The following VWC2 variants were observed in gnomAD, a reference collection of about 807,000 sequenced individuals.
The protein encoded by VWC2 is brorin.
VWC2 carries 14 observed loss-of-function variants against 29.8 expected under a neutral mutation model. That is an observed-to-expected ratio of 0.47 (90% CI 0.31 to 0.74). The LOEUF is 0.74. Among genes scored for constraint, VWC2 ranks in the 30% least tolerant of loss-of-function variants. The pLI is 0.05. For synonymous variants in VWC2, 213 were observed against 199.0 expected (o/e 1.07, Z -0.59); for missense variants, 457 against 459.8 (o/e 0.99, Z 0.05).
At chr7:49,776,226 T>C (rs1788051948) in intron 2 of VWC2, 95 bp downstream of exon 2, 6 of 1,133,384 alleles carry the variant, frequency 5.3e-6, no homozygotes, top group Middle Eastern at 2.0e-4. Context: ...GAAGAGGTGC[T>C]CTCTGGTTCT....
At chr7:49,902,869 G>A (rs1792846346) in intron 3 of VWC2, among the ~76,000 whole-genome samples, 1 of 152,060 alleles carries the variant, frequency 6.6e-6, no homozygotes, top group Non-Finnish European at 1.5e-5. Context: ...TAAACCACAT[G>A]TCTGATAAAG....
intron 3 of VWC2, among the ~76,000 whole-genome samples, chr7:49,884,340 C>T (rs1239041010): frequency 6.6e-6 from 1 of 152,170 alleles, no homozygotes; most frequent in African/African-American, 2.4e-5. Context: ...TTGAGTATTG[C>T]CAGGGAAGAA....
intron 3 of VWC2, among the ~76,000 whole-genome samples, chr7:49,821,340 T>C (rs2128709509): frequency 6.6e-6 from 1 of 152,298 alleles, no homozygotes; most frequent in East Asian, 1.9e-4. Context: ...ATAGTTACAG[T>C]AAGAAGAGGA....
intron 3 of VWC2, among the ~76,000 whole-genome samples, chr7:49,829,437 A>G (rs1273598124): frequency 6.6e-6 from 1 of 152,134 alleles, no homozygotes. Flanking sequence ...TCTGTGTCCC[A>G]TGGAGTCATC....
At chr7:49,831,972 GATA>G (rs1730772694) in intron 3 of VWC2, among the ~76,000 whole-genome samples, 4 of 152,200 alleles carry the variant, frequency 2.6e-5, no homozygotes, top group Admixed American at 6.5e-5. Flanking sequence ...ATAGTAGACA[GATA>G]ATATTTTCCC....
intron 2 of VWC2, among the ~76,000 whole-genome samples, chr7:49,790,270 G>C (rs920256967): frequency 3.9e-5 from 6 of 152,240 alleles, no homozygotes; most frequent in Admixed American, 3.3e-4. Context: ...AGGAAAAGTT[G>C]TCTGTGGTGC....
In VWC2 at chr7:49,870,681, A is replaced by G. The variant is rs76859359; in HGVS notation, c.827-41353A>G. Among the ~76,000 whole-genome samples, 482 of 152,310 alleles carry G rather than the reference A, an allele frequency of 3.2e-3. 1 individual carries two copies. The highest frequency in any genetic ancestry group is 0.011 in the African/African-American group (465 of 41,574). ...AAAAGGGCTCCCCTTCTGAAAGAAGAGTTGGGAAACCATGACGTTATCATG... is the reference window on the plus strand; with the variant it reads ...AAAAGGGCTCCCCTTCTGAAAGAAGGGTTGGGAAACCATGACGTTATCATG... On this transcript the variant is annotated intron_variant, in intron 3 of 3. Transcript: ENST00000340652.
chr7:49,850,411 C>T (rs1790129534), intron 3 of VWC2: 1 of 152,238 alleles, frequency 6.6e-6, no homozygotes, highest in African/African-American at 2.4e-5. Flanking sequence ...GTGTAAGAGG[C>T]CTCCTGTCTT....
intron 3 of VWC2, among the ~76,000 whole-genome samples, chr7:49,805,265 A>G (rs1788850854): frequency 6.6e-6 from 1 of 152,172 alleles, no homozygotes; most frequent in East Asian, 1.9e-4. Context: ...GAGAGGCAGT[A>G]TGGGATGGAA....
chr7:49,894,297 T>C (rs1792271441), intron 3 of VWC2, among the ~76,000 whole-genome samples: 1 of 152,198 alleles, frequency 6.6e-6, no homozygotes, highest in Admixed American at 6.5e-5. Flanking sequence ...GCTGGGATTA[T>C]AGATAGCACC....
At position 49,789,038 on chromosome 7, in the gene VWC2, ATG is replaced by A. The variant is rs548464843; in HGVS notation, c.696+12912_696+12913del. ...TGTGTCAGTGTGAGCGTGTGGGTGC[ATG>A]TGTGAGTGTGGGTGTATGTGTGGGT... On this transcript the variant is annotated intron_variant, in intron 2 of 3. Transcript: ENST00000340652. Among the ~76,000 whole-genome samples, 21 of 119,638 alleles carry A rather than the reference ATG, an allele frequency of 1.8e-4. No individual in the cohort carries two copies. The South Asian group carries it at 4.0e-3, about 23-fold the overall frequency. 78.5% of individuals were successfully genotyped at this position (119,638 alleles called of 152,430 possible). A position where few individuals can be genotyped will look rare whatever the true frequency, so the allele number is the denominator to read the frequency against.
chr7:49,785,667 T>C (rs1034957162), intron 2 of VWC2, among the ~76,000 whole-genome samples: 2 of 152,066 alleles, frequency 1.3e-5, no homozygotes, highest in Non-Finnish European at 2.9e-5. Context: ...TAACAGTGAG[T>C]AGGCTTACAG....
chr7:49,800,939 GATT>G (rs2128705627), intron 2 of VWC2, among the ~76,000 whole-genome samples: 1 of 149,968 alleles, frequency 6.7e-6, no homozygotes, highest in African/African-American at 2.4e-5. Context: ...CTTCAAGATT[GATT>G]TTAACTTCTA....
At chr7:49,863,045 A>G (rs192888021) in intron 3 of VWC2, among the ~76,000 whole-genome samples, 116 of 152,204 alleles carry the variant, frequency 7.6e-4, no homozygotes, top group African/African-American at 2.6e-3. Context: ...ATTTGTGCTA[A>G]TTGTTTGTTA....
Position 49,801,599 on chromosome 7 carries a change from A to G in VWC2, c.697-1112A>G, listed in dbSNP as rs773354711. On this transcript the variant is annotated intron_variant, in intron 2 of 3. Transcript: ENST00000340652. ...GCTCAAGAAGGCAGAGTATGAGCCC[A>G]TGGCTGGAAAGTAGAGAGAGGCAAA... 1.7e-4 allele frequency among the ~76,000 whole-genome samples: 26 copies of G among 152,366 alleles called. No individual in the cohort carries two copies. In the Middle Eastern group the frequency reaches 0.01, roughly 60 times the overall value.
At chr7:49,895,168 G>T (rs1410484095) in intron 3 of VWC2, among the ~76,000 whole-genome samples, 1 of 152,158 alleles carries the variant, frequency 6.6e-6, no homozygotes, top group Non-Finnish European at 1.5e-5. Flanking sequence ...CTGTTCAATT[G>T]ATGGTGTCTT....
intron 2 of VWC2, among the ~76,000 whole-genome samples, chr7:49,793,034 A>C (rs1397438598): frequency 3.9e-5 from 6 of 152,120 alleles, no homozygotes; most frequent in African/African-American, 1.4e-4. Context: ...CCCTGACAGA[A>C]CTTTAAATTG....
At chr7:49,779,849 G>A (rs1276235784) in intron 2 of VWC2, among the ~76,000 whole-genome samples, 1 of 152,142 alleles carries the variant, frequency 6.6e-6, no homozygotes, top group Non-Finnish European at 1.5e-5. Flanking sequence ...TTCTTCCTGT[G>A]TTTTCTCATG....
At chr7:49,804,817 A>G (rs114809206) in intron 3 of VWC2, among the ~76,000 whole-genome samples, 2 of 152,262 alleles carry the variant, frequency 1.3e-5, no homozygotes, top group African/African-American at 4.8e-5. Context: ...CTCTATATAC[A>G]TAACCCAACA....
Sources: gnomAD v4.1 joint callset for allele counts (sites outside exome capture counted in the v4.1 genomes callset) on GRCh38, gnomAD v4.1.1 for gene constraint, MANE v1.5 for transcripts, NCBI Gene and HGNC (gene_info 2026-07-23, HGNC 2026-07-21) for gene names.